MUC22: variants seen among roughly 807,000 people sequenced by gnomAD.
MUC22 encodes the protein mucin 22.
A neutral mutation model predicts 40.3 loss-of-function variants in MUC22; 24 were observed. That is an observed-to-expected ratio of 0.60 (90% CI 0.43 to 0.84). The LOEUF is 0.84. MUC22 is among the 40% of genes least tolerant of loss of function. MUC22 has a pLI of 0.00. For missense variants in MUC22, 1,926 were observed against 2,130.7 expected (o/e 0.90, Z 1.89); for synonymous variants, 765 against 844.5 (o/e 0.91, Z 1.63).
rs78457009 is a variant in MUC22, at chr6:31,025,858, A to G, written c.427A>G (p.Ile143Val). ...CTCTGGGACCACAACAACCTTTACT[A>G]TAGCCTCCACTACAGTCCCTGAGAC... The change falls in exon 2 of 4, where the codon ATA becomes GTA. Residue 143 changes from isoleucine (I) to valine (V), a missense_variant. By Grantham distance (29) the Ile-to-Val change is conservative. Coordinates refer to ENST00000561890, the Ensembl canonical transcript of MUC22. 13,971 of 1,535,214 alleles carry G rather than the reference A, an allele frequency of 9.1e-3. 146 individuals carry two copies. The highest frequency in any genetic ancestry group is 0.047 in the East Asian group (1,936 of 40,876).
intron 3 of MUC22, among the ~76,000 whole-genome samples, chr6:31,033,040 C>G (rs1213050244): frequency 6.6e-6 from 1 of 152,156 alleles, no homozygotes; most frequent in Non-Finnish European, 1.5e-5. Context: ...TAGCATGGAC[C>G]TGTAGTCCCA....
Position 31,011,775 on chromosome 6 carries a change from T to C in MUC22, c.70+999T>C, listed in dbSNP as rs1427348206. Among the ~76,000 whole-genome samples the C allele has an allele frequency of 1.3e-5, 2 of 152,228 alleles. No homozygotes were observed. Among genetic ancestry groups the C allele is most frequent in the African/African-American group, 4.8e-5 (2 of 41,452 alleles). ...TAAGAAATCTCCACACTGTTTTCCA[T>C]AGTGATTGTACTAGTTTACATTCCC... On this transcript the variant is annotated intron_variant, in intron 1 of 3. Coordinates refer to ENST00000561890, the Ensembl canonical transcript of MUC22. The surrounding 1 kb of genome is among the most constrained non-coding windows in gnomAD (Gnocchi z 4.5).
intron 1 of MUC22, among the ~76,000 whole-genome samples, chr6:31,021,990 C>A (rs1199956474): frequency 7.9e-5 from 12 of 152,092 alleles, no homozygotes; most frequent in Non-Finnish European, 1.5e-4. Flanking sequence ...CCAGCGAGCC[C>A]ACGAGCCCAC....
At position 31,011,109 on chromosome 6, in the gene MUC22, A is replaced by G. The variant is rs1387311703; in HGVS notation, c.70+333A>G. On this transcript the variant is annotated intron_variant, in intron 1 of 3. Coordinates refer to ENST00000561890, the Ensembl canonical transcript of MUC22. This position sits in a 1 kb window ranked among gnomAD's most constrained non-coding sequence, Gnocchi z 4.5. ...TCTTGGATAAAAGTTTTTTTTTTTA[A>G]CCGGAAAACTCTAGTTCCAATAGCA... 6.6e-6 allele frequency among the ~76,000 whole-genome samples: 1 copy of G among 151,404 alleles called. No homozygotes were observed. Among genetic ancestry groups the G allele is most frequent in the Non-Finnish European group, 1.5e-5 (1 of 67,878 alleles).
In MUC22 at chr6:31,018,689, T is replaced by C. The variant is rs143836723; in HGVS notation, c.71-6813T>C. ...TCTACCCCATCATGCAAATCTGTTT[T>C]CAATAAACTAAACTCACTTCCATAT... On this transcript the variant is annotated intron_variant, in intron 1 of 3. Transcript: ENST00000561890. 3.0e-3 allele frequency among the ~76,000 whole-genome samples: 454 copies of C among 152,412 alleles called. 1 individual carries two copies. The highest frequency in any genetic ancestry group is 0.015 in the South Asian group (71 of 4,834).
chr6:31,019,321 G>T (rs9262499), intron 1 of MUC22, among the ~76,000 whole-genome samples: 67,905 of 152,094 alleles, frequency 0.45, 15,389 homozygotes, highest in East Asian at 0.55. Flanking sequence ...TCCACTGAAA[G>T]GTATCTCCCC....
intron 2 of MUC22, among the ~76,000 whole-genome samples, chr6:31,030,673 C>T (rs890388922): frequency 2.6e-5 from 4 of 152,024 alleles, no homozygotes; most frequent in African/African-American, 7.3e-5. Flanking sequence ...CTCCAGCAAG[C>T]CCGCCTCAAC....
At chr6:31,023,300 C>T (rs975576156) in intron 1 of MUC22, among the ~76,000 whole-genome samples, 5 of 152,038 alleles carry the variant, frequency 3.3e-5, no homozygotes, top group African/African-American at 1.2e-4. Context: ...CTTTTTGGGG[C>T]TGAGGCAGGA....
intron 1 of MUC22, among the ~76,000 whole-genome samples, chr6:31,015,198 A>G (rs1764108565): frequency 6.6e-6 from 1 of 152,098 alleles, no homozygotes; most frequent in Non-Finnish European, 1.5e-5. Flanking sequence ...ATGGCTCTGG[A>G]ATGGTTAGTC....
In MUC22 at chr6:31,011,338, T is replaced by C. The variant is rs1400703655; in HGVS notation, c.70+562T>C. Among the ~76,000 whole-genome samples, 1 of 152,146 alleles carries C rather than the reference T, an allele frequency of 6.6e-6. No individual in the cohort carries two copies. The highest frequency in any genetic ancestry group is 2.4e-5 in the African/African-American group (1 of 41,416). ...CACCCTATCTGTAGTCTTTTATCTC[T>C]CGTGCCTCCCCCGTCCTTCCTCCCT... On this transcript the variant is annotated intron_variant, in intron 1 of 3. Coordinates refer to ENST00000561890, the Ensembl canonical transcript of MUC22. The surrounding 1 kb of genome is among the most constrained non-coding windows in gnomAD (Gnocchi z 4.5).
exon 2 of MUC22, chr6:31,027,326 G>T (rs568882292): frequency 2.2e-5 from 33 of 1,530,312 alleles, no homozygotes; most frequent in African/African-American, 2.9e-5. Context: ...TCTACTGAAG[G>T]CTCTGAGACC....
chr6:31,021,183 C>T (rs1359606925), intron 1 of MUC22, among the ~76,000 whole-genome samples: 2 of 152,242 alleles, frequency 1.3e-5, no homozygotes, highest in African/African-American at 2.4e-5. Flanking sequence ...CAGCTGGGCT[C>T]CTGAGTCTGG....
chr6:31,016,798 G>A (rs1764239250), intron 1 of MUC22, among the ~76,000 whole-genome samples: 1 of 152,236 alleles, frequency 6.6e-6, no homozygotes, highest in Non-Finnish European at 1.5e-5. Context: ...TGGAGGGAGA[G>A]GCACGGGCGG....
intron 1 of MUC22, among the ~76,000 whole-genome samples, chr6:31,022,368 T>C (rs769588859): frequency 6.8e-6 from 1 of 146,992 alleles, no homozygotes; most frequent in African/African-American, 2.4e-5. Context: ...TTCTCAATTT[T>C]GGTTAGGCTG....
At chr6:31,009,826 T>A (rs948565043), upstream of MUC22, among the ~76,000 whole-genome samples, 1 of 152,222 alleles carries the variant, frequency 6.6e-6, no homozygotes, top group Non-Finnish European at 1.5e-5. Flanking sequence ...CCCTGACCTA[T>A]GCTTAAGAGC....
exon 2 of MUC22, chr6:31,027,179 C>T: frequency 2.0e-6 from 3 of 1,502,980 alleles, no homozygotes; most frequent in Non-Finnish European, 2.7e-6. Context: ...GCTGCAGGCT[C>T]TGAGACAATC....
chr6:31,006,300 G>A (rs1418907046), upstream of MUC22, among the ~76,000 whole-genome samples: 1 of 152,112 alleles, frequency 6.6e-6, no homozygotes, highest in Non-Finnish European at 1.5e-5. Context: ...TTGATGCAGA[G>A]GAGTATGACA....
At chr6:31,018,706 C>T (rs1451406058) in intron 1 of MUC22, among the ~76,000 whole-genome samples, 1 of 152,286 alleles carries the variant, frequency 6.6e-6, no homozygotes, top group Non-Finnish European at 1.5e-5. Context: ...ACTAAACTCA[C>T]TTCCATATTG....
chr6:31,027,766 T>A, exon 2 of MUC22: 1 of 1,531,374 alleles, frequency 6.5e-7, no homozygotes, highest in Non-Finnish European at 8.7e-7. Context: ...GACCACAGTC[T>A]CTACTGAAGG....
Sources: allele counts gnomAD v4.1 joint callset (sites outside exome capture counted in the v4.1 genomes callset), GRCh38; gene constraint gnomAD v4.1.1; non-coding constraint Gnocchi (gnomAD v3.1); transcripts MANE v1.5; gene names NCBI Gene and HGNC (gene_info 2026-07-23, HGNC 2026-07-21).